Variants in ADARB2 observed in about 807,000 individuals in gnomAD.
ADARB2 encodes inactive double-stranded RNA-specific editase B2.
A neutral mutation model predicts 62.2 loss-of-function variants in ADARB2; 25 were observed. The ratio of observed to expected loss-of-function variants is 0.40; its 90% CI spans 0.29 to 0.56. ADARB2 has a LOEUF of 0.56. Ranked by LOEUF, ADARB2 falls within the 20% of genes least tolerant of loss-of-function variation. The pLI is 0.43. For missense variants in ADARB2, 1,071 were observed against 1,077.4 expected, an observed-to-expected ratio of 0.99 and a Z score of 0.08; for synonymous variants, 572 against 500.8, an observed-to-expected ratio of 1.14 and a Z score of -1.90.
intron 1 of ADARB2, among the ~76,000 whole-genome samples, chr10:1,516,776 A>G (rs1353169361): frequency 6.6e-6 from 1 of 152,184 alleles, no homozygotes; most frequent in Non-Finnish European, 1.5e-5. Context: ...AAGTATGAGG[A>G]TAATCGGTAA....
intron 1 of ADARB2, among the ~76,000 whole-genome samples, chr10:1,434,574 G>A (rs1830814787): frequency 6.6e-6 from 1 of 152,012 alleles, no homozygotes; most frequent in African/African-American, 2.4e-5. Flanking sequence ...ACAAAACAAC[G>A]AAGGCATTCT....
intron 1 of ADARB2, among the ~76,000 whole-genome samples, chr10:1,451,487 G>C (rs896504155): frequency 6.6e-6 from 1 of 152,204 alleles, no homozygotes; most frequent in Non-Finnish European, 1.5e-5. Context: ...TGCAGGAAGA[G>C]GGAACACAGC....
chr10:1,535,321 G>A (rs1832315624), intron 1 of ADARB2, among the ~76,000 whole-genome samples: 1 of 152,128 alleles, frequency 6.6e-6, no homozygotes, highest in Non-Finnish European at 1.5e-5. Flanking sequence ...GAGTCAGTCT[G>A]ATTCGGAGTG....
chr10:1,533,415 A>G (rs752049173), intron 1 of ADARB2, among the ~76,000 whole-genome samples: 6 of 151,244 alleles, frequency 4.0e-5, no homozygotes, highest in Non-Finnish European at 7.4e-5. Flanking sequence ...GGAGTGAGCC[A>G]CTACCACCTT....
chr10:1,352,206 G>A (rs11250442), intron 3 of ADARB2, among the ~76,000 whole-genome samples: 82,217 of 150,900 alleles, frequency 0.54, 22,874 homozygotes, highest in Middle Eastern at 0.6. Flanking sequence ...CCTGCCAATT[G>A]TGTCCAACTG....
intron 1 of ADARB2, among the ~76,000 whole-genome samples, chr10:1,581,344 G>T (rs770704516): frequency 9.2e-5 from 14 of 152,242 alleles, no homozygotes; most frequent in Admixed American, 6.5e-4. Context: ...TGGGTTTCTA[G>T]GAAGGTGCTG....
At chr10:1,373,363 A>G (rs545126990) in intron 2 of ADARB2, among the ~76,000 whole-genome samples, 1 of 152,164 alleles carries the variant, frequency 6.6e-6, no homozygotes, top group East Asian at 1.9e-4. Flanking sequence ...TCTTGTTGGT[A>G]AAGGCTCCTC....
At chr10:1,570,583 C>G (rs1026028821) in intron 1 of ADARB2, among the ~76,000 whole-genome samples, 2 of 152,226 alleles carry the variant, frequency 1.3e-5, no homozygotes, top group Admixed American at 6.5e-5. Flanking sequence ...GATCATGTGG[C>G]AGTCTTACAT....
chr10:1,641,334 G>A (rs1012157509), intron 1 of ADARB2, among the ~76,000 whole-genome samples: 9 of 152,184 alleles, frequency 5.9e-5, no homozygotes, highest in East Asian at 1.9e-4. Flanking sequence ...GACCTGCCAC[G>A]TGCTGACCTA....
At chr10:1,503,547 C>A (rs759198385) in intron 1 of ADARB2, among the ~76,000 whole-genome samples, 1 of 152,080 alleles carries the variant, frequency 6.6e-6, no homozygotes, top group Non-Finnish European at 1.5e-5. Context: ...TTCCTTTATA[C>A]AGCACGATAT....
intron 1 of ADARB2, among the ~76,000 whole-genome samples, chr10:1,565,210 C>T (rs965082985): frequency 6.6e-6 from 1 of 152,218 alleles, no homozygotes; most frequent in African/African-American, 2.4e-5. Context: ...GTCTCTCAGT[C>T]TACAACTTTG....
intron 1 of ADARB2, among the ~76,000 whole-genome samples, chr10:1,478,946 G>A (rs945385329): frequency 1.3e-5 from 2 of 152,178 alleles, no homozygotes; most frequent in African/African-American, 4.8e-5. Flanking sequence ...GGAGGAGGAG[G>A]GGCCTGCAAA....
chr10:1,524,468 G>T (rs1261936998), intron 1 of ADARB2, among the ~76,000 whole-genome samples: 1 of 152,208 alleles, frequency 6.6e-6, no homozygotes, highest in African/African-American at 2.4e-5. Flanking sequence ...GGCATCACAA[G>T]TTCCTCCAAC....
chr10:1,379,722 G>A (rs1193996199), intron 1 of ADARB2, among the ~76,000 whole-genome samples: 1 of 152,134 alleles, frequency 6.6e-6, no homozygotes, highest in South Asian at 2.1e-4. Context: ...CAGTCCTCCC[G>A]GAAACGGCCA....
intron 1 of ADARB2, among the ~76,000 whole-genome samples, chr10:1,610,493 A>G (rs1833553823): frequency 6.6e-6 from 1 of 152,228 alleles, no homozygotes; most frequent in African/African-American, 2.4e-5. Context: ...ACAGAAAGAA[A>G]AGCACTAGGC....
chr10:1,553,371 T>C (rs1048834359), intron 1 of ADARB2, among the ~76,000 whole-genome samples: 10 of 152,160 alleles, frequency 6.6e-5, no homozygotes, highest in Admixed American at 1.3e-4. Flanking sequence ...GGAACTGGCA[T>C]GGACGAGGCA....
chr10:1,705,193 G>A (rs34036608), intron 1 of ADARB2, among the ~76,000 whole-genome samples: 2,181 of 152,276 alleles, frequency 0.014, 25 homozygotes, highest in Non-Finnish European at 0.018. Flanking sequence ...ATCTAATGAC[G>A]AAACCACTTT....
At chr10:1,643,423 C>T (rs1006125869) in intron 1 of ADARB2, among the ~76,000 whole-genome samples, 1 of 152,210 alleles carries the variant, frequency 6.6e-6, no homozygotes, top group Non-Finnish European at 1.5e-5. Context: ...GTTACATTTT[C>T]CCAGACTGGA....
Position 1,704,657 on chromosome 10 carries a change from A to T in ADARB2, c.100+32394T>A, listed in dbSNP as rs944687831. On this transcript the variant is annotated intron_variant, in intron 1 of 9. Transcript: ENST00000381312. The surrounding 1 kb of genome is among the most constrained non-coding windows in gnomAD (Gnocchi z 5.6). Reference sequence around the variant, plus strand: ...TGGAGACGTCTGAGTTAAAGCATCTAACTCTGGGGTTTTGTGAGGGGTACA... The same window carrying T: ...TGGAGACGTCTGAGTTAAAGCATCTTACTCTGGGGTTTTGTGAGGGGTACA... Among the ~76,000 whole-genome samples, 3 of 152,190 alleles carry T rather than the reference A, an allele frequency of 2.0e-5. No homozygotes were observed. The highest frequency in any genetic ancestry group is 4.4e-5 in the Non-Finnish European group (3 of 68,032).
Sources: allele counts gnomAD v4.1 joint callset (sites outside exome capture counted in the v4.1 genomes callset), GRCh38; gene constraint gnomAD v4.1.1; non-coding constraint Gnocchi (gnomAD v3.1); transcripts MANE v1.5; gene names NCBI Gene and HGNC (gene_info 2026-07-23, HGNC 2026-07-21).